SENP1: variants seen among roughly 807,000 people sequenced by gnomAD.
SENP1 encodes the protein sentrin-specific protease 1.
In SENP1, 21 loss-of-function variants were observed where a neutral mutation model predicts 93.0. That is an observed-to-expected ratio of 0.23 (90% CI 0.16 to 0.33). The LOEUF (loss-of-function observed/expected upper bound fraction) is 0.33, where lower values mean the gene tolerates loss of function less well. Among genes scored for constraint, SENP1 ranks in the 10% least tolerant of loss-of-function variants. SENP1 has a pLI of 1.00. For synonymous variants in SENP1, 256 were observed against 259.6 expected (o/e 0.99, Z 0.13); for missense variants, 591 against 758.7 (o/e 0.78, Z 2.60).
chr12:48,059,222 T>C (rs1488859440), intron 13 of SENP1, among the ~76,000 whole-genome samples: 1 of 152,178 alleles, frequency 6.6e-6, no homozygotes, highest in Non-Finnish European at 1.5e-5. Flanking sequence ...CCTTTCCTTC[T>C]GGGACTCCAA....
chr12:48,062,719 C>A (rs1308033098), intron 13 of SENP1, among the ~76,000 whole-genome samples: 1 of 152,188 alleles, frequency 6.6e-6, no homozygotes. Context: ...GTTTTTAAAT[C>A]TTTCTATGCC....
intron 1 of SENP1, among the ~76,000 whole-genome samples, chr12:48,102,992 T>C (rs1241103571): frequency 6.6e-6 from 1 of 152,208 alleles, no homozygotes; most frequent in African/African-American, 2.4e-5. Flanking sequence ...CAGGTTATTC[T>C]TTCCCCTTCT....
intron 1 of SENP1, among the ~76,000 whole-genome samples, chr12:48,102,431 CAAAA>C (rs57161608): frequency 3.6e-4 from 17 of 47,458 alleles, no homozygotes; most frequent in South Asian, 9.7e-4. Context: ...GACTCTGTCT[CAAAA>C]AAAAAAAAAA....
Position 48,065,073 on chromosome 12 carries a change from T to A in SENP1, c.1267A>T (p.Ile423Phe), listed in dbSNP as rs770700027. Residue 423 changes from isoleucine to phenylalanine, a missense_variant, in exon 12 of 18, where the codon ATT (isoleucine) becomes TTT (phenylalanine). Around this residue, in one of 4 missense-constraint regions of SENP1, gnomAD observed 238 missense variants for 259.1 expected, o/e 0.92. Transcript: ENST00000549518. ...AAGTGTATGTAACTTACCTCTGTAA[T>A]TTCAGGAAATTCATCTTCACTATCA... ...LTDSEDEFPE[I>F]TEEMEKEIKN... The A allele has an allele frequency of 6.3e-7, 1 of 1,592,692 alleles. No individual in the cohort carries two copies. The highest frequency in any genetic ancestry group is 8.6e-7 in the Non-Finnish European group (1 of 1,160,980).
intron 6 of SENP1, among the ~76,000 whole-genome samples, chr12:48,079,423 C>T (rs572791729): frequency 3.1e-4 from 47 of 152,084 alleles, no homozygotes; most frequent in Non-Finnish European, 5.7e-4. Context: ...TGCTTGAACC[C>T]GGGAGACGGA....
At chr12:48,055,918 T>C (rs999238070) in intron 13 of SENP1, among the ~76,000 whole-genome samples, 2 of 138,824 alleles carry the variant, frequency 1.4e-5, no homozygotes, top group East Asian at 4.2e-4. Context: ...TATTTATATA[T>C]TATACATTAC....
In SENP1 at chr12:48,061,998, T is replaced by C. The variant is rs114488343; in HGVS notation, c.1407+1712A>G. 3.6e-3 allele frequency among the ~76,000 whole-genome samples: 550 copies of C among 152,282 alleles called. 4 individuals are homozygous for C. Among genetic ancestry groups the C allele is most frequent in the African/African-American group, 0.013 (527 of 41,556 alleles). On this transcript the variant is annotated intron_variant, in intron 13 of 17. Transcript: ENST00000549518. ...AATCTTTCCTTCTTCTCATCTCCTCTAAAATAATGTAATTTCCATTAACTT... is the reference window on the plus strand; with the variant it reads ...AATCTTTCCTTCTTCTCATCTCCTCCAAAATAATGTAATTTCCATTAACTT...
In SENP1 at chr12:48,065,227, G is replaced by A. The variant is rs1943217878; in HGVS notation, c.1120-7C>T. On this transcript the variant is annotated splice_polypyrimidine_tract_variant and splice_region_variant and intron_variant, in intron 11 of 17. Transcript: ENST00000549518. ...GTTCCCGCTCCTGCAATCTCTGAAA[G>A]ATAAAACTTCAGAGTAAGTGGGATA... 1 of 1,575,578 alleles carries A rather than the reference G, an allele frequency of 6.3e-7. No homozygotes were observed.
intron 9 of SENP1, among the ~76,000 whole-genome samples, chr12:48,069,415 G>C (rs997980508): frequency 6.6e-6 from 1 of 152,246 alleles, no homozygotes; most frequent in South Asian, 2.1e-4. Context: ...CTTTGACAAA[G>C]AGCATTGCTC....
Position 48,071,726 on chromosome 12 carries a change from A to C in SENP1, c.941-5T>G. 6.3e-7 allele frequency: 1 copy of C among 1,592,104 alleles called. No homozygotes were observed. The highest frequency in any genetic ancestry group is 8.6e-7 in the Non-Finnish European group (1 of 1,161,456). Reference sequence around the variant, plus strand: ...GTAAAATCACAGAGTCTGATCCTAAAGAAACACAAGAGCATTTCATTAGTA... The same window carrying C: ...GTAAAATCACAGAGTCTGATCCTAACGAAACACAAGAGCATTTCATTAGTA... On this transcript the variant is annotated splice_polypyrimidine_tract_variant and splice_region_variant and intron_variant, in intron 8 of 17. Coordinates refer to ENST00000549518, the MANE Select transcript of SENP1 (RefSeq NM_001267594.2).
rs913661824 is a variant in SENP1, at chr12:48,044,355, T to C, written c.*967A>G. ...GCATATCCCTGTGAAATTTTATACATACATATATATATATATATATGTATG... is the reference window on the plus strand; with the variant it reads ...GCATATCCCTGTGAAATTTTATACACACATATATATATATATATATGTATG... On this transcript the variant is annotated 3_prime_UTR_variant, in exon 18 of 18. Coordinates refer to ENST00000549518, the MANE Select transcript of SENP1 (RefSeq NM_001267594.2). 5.3e-5 allele frequency: 4 copies of C among 75,710 alleles called. No homozygotes were observed. Among genetic ancestry groups the C allele is most frequent in the African/African-American group, 2.3e-4 (4 of 17,536 alleles). 4.7% of individuals were successfully genotyped at this position (75,710 alleles called of 1,614,324 possible).
intron 12 of SENP1, 119 bp from the exon 13 acceptor site, chr12:48,063,960 T>G (rs1222764130): frequency 3.0e-6 from 3 of 986,026 alleles, no homozygotes; most frequent in East Asian, 5.4e-5. Flanking sequence ...GTTTATAAAT[T>G]TACTGTTAAT....
chr12:48,064,809 T>G (rs1160505358), intron 12 of SENP1, among the ~76,000 whole-genome samples: 1 of 152,124 alleles, frequency 6.6e-6, no homozygotes, highest in Non-Finnish European at 1.5e-5. Flanking sequence ...CCTGTGTAGC[T>G]GGGATTACAG....
intron 13 of SENP1, among the ~76,000 whole-genome samples, chr12:48,057,981 C>T (rs1257116288): frequency 7.9e-6 from 1 of 127,248 alleles, no homozygotes; most frequent in Non-Finnish European, 1.6e-5. Context: ...AAGTCTCGCT[C>T]CATTGCCCAG....
At chr12:48,099,128 C>A (rs1945752949) in intron 2 of SENP1, 1 of 152,018 alleles carries the variant, frequency 6.6e-6, no homozygotes, top group Admixed American at 6.6e-5. Flanking sequence ...TCGAGACCAG[C>A]CTGGGAAATA....
chr12:48,094,761 A>C (rs939159710), intron 4 of SENP1, among the ~76,000 whole-genome samples: 6 of 152,264 alleles, frequency 3.9e-5, no homozygotes, highest in Non-Finnish European at 8.8e-5. Context: ...CTTTGAGTAG[A>C]ATTTTCTATA....
rs145053793 is a variant in SENP1, at chr12:48,104,808, C to G, written c.-45+1220G>C. On this transcript the variant is annotated intron_variant, in intron 1 of 17. Coordinates refer to ENST00000549518, the MANE Select transcript of SENP1 (RefSeq NM_001267594.2). ...CTGTTTTTGTACCCATCCACTCCCT[C>G]TAGACAACTCATTAGATGAGTGACA... Among the ~76,000 whole-genome samples the G allele has an allele frequency of 1.7e-3, 262 of 152,360 alleles. 1 individual carries two copies. The highest frequency in any genetic ancestry group is 6.1e-3 in the African/African-American group (254 of 41,580).
intron 6 of SENP1, chr12:48,081,542 C>T (rs1357912572): frequency 6.6e-6 from 1 of 151,818 alleles, no homozygotes; most frequent in African/African-American, 2.4e-5. Context: ...AGTTCTGCCA[C>T]CCTCCACTTG....
At position 48,083,577 on chromosome 12, in the gene SENP1, C is replaced by A. The variant is rs1209998401; in HGVS notation, c.552+14G>T. On this transcript the variant is annotated intron_variant, in intron 6 of 17. Coordinates refer to ENST00000549518, the MANE Select transcript of SENP1 (RefSeq NM_001267594.2). ...TCCTAACTTTTAGTAGCTTTTGTCA[C>A]ACGTTTTCCTTACCTCTTCTGCTGT... is the stretch of plus-strand genomic sequence containing the variant. The A allele has an allele frequency of 2.5e-6, 4 of 1,609,888 alleles. No individual in the cohort carries two copies. In the African/African-American group the frequency reaches 4.0e-5, roughly 16 times the overall value.
Sources: gnomAD v4.1 joint callset for allele counts (sites outside exome capture counted in the v4.1 genomes callset) on GRCh38, gnomAD v4.1.1 for gene constraint, gnomAD v4.1.1 regional missense constraint, MANE v1.5 for transcripts, NCBI Gene and HGNC (gene_info 2026-07-23, HGNC 2026-07-21) for gene names.